The following PLET1 variants were observed in gnomAD, a reference collection of about 807,000 sequenced individuals.
The protein encoded by PLET1 is placenta expressed transcript 1.
Under a neutral mutation model 18.5 loss-of-function variants are expected in PLET1, and 20 were observed. That is an observed-to-expected ratio of 1.08 (90% CI 0.76 to 1.57). PLET1 has a LOEUF of 1.57. Ranked by LOEUF, PLET1 falls within the 40% of genes most tolerant of loss-of-function variation. The pLI is 0.00. For synonymous variants in PLET1, 93 were observed against 93.8 expected (o/e 0.99, Z 0.05); for missense variants, 256 against 246.4 (o/e 1.04, Z -0.26).
At chr11:112,250,520 G>C (rs763963066) in intron 3 of PLET1, among the ~76,000 whole-genome samples, 1 of 151,966 alleles carries the variant, frequency 6.6e-6, no homozygotes, top group East Asian at 1.9e-4. Flanking sequence ...AAAATGTCAG[G>C]GATAGTTTTC....
chr11:112,258,667 T>C (rs1330005059), intron 1 of PLET1, among the ~76,000 whole-genome samples: 1 of 152,228 alleles, frequency 6.6e-6, no homozygotes, highest in African/African-American at 2.4e-5. Context: ...TCGTGATCTC[T>C]TTTGCAGTGG....
rs1360620993 is a variant in PLET1, at chr11:112,248,957, C to G, written c.466G>C (p.Ala156Pro). The change falls in exon 4 of 4, where the codon GCT becomes CCT. Residue 156 changes from alanine (A) to proline (P), a missense_variant. Physicochemically the swap from Ala to Pro is conservative, Grantham distance 27. Coordinates refer to ENST00000338832, the MANE Select transcript of PLET1 (RefSeq NM_001145024.1). The part of the protein sequence containing the change: ...LREKLSTLAL[A>P]AKIPQSSAFK... ...GCTGAGCTCTGGGGAATCTTGGCAG[C>G]TAAGGCTAAGGTTGACACTGGAAAG... 10 of 1,550,274 alleles carry G rather than the reference C, an allele frequency of 6.5e-6. No individual in the cohort carries two copies. The highest frequency in any genetic ancestry group is 8.7e-6 in the Non-Finnish European group (10 of 1,146,954).
chr11:112,252,954 C>A (rs928481321), intron 2 of PLET1, among the ~76,000 whole-genome samples: 1 of 152,122 alleles, frequency 6.6e-6, no homozygotes, highest in Non-Finnish European at 1.5e-5. Context: ...TTATATGAGT[C>A]CCTTGTTCAT....
chr11:112,256,560 T>TTATCCTTCATTATCTGAGATCATGAC (rs1860226260), intron 1 of PLET1, among the ~76,000 whole-genome samples: 1 of 152,050 alleles, frequency 6.6e-6, no homozygotes, highest in Admixed American at 6.5e-5. Context: ...GGGATAATGA[T>TTATCCTTCATTATCTGAGATCATGAC]GTTATCCTTC....
At chr11:112,257,838 G>A (rs560627663) in intron 1 of PLET1, among the ~76,000 whole-genome samples, 2 of 152,224 alleles carry the variant, frequency 1.3e-5, no homozygotes, top group African/African-American at 4.8e-5. Context: ...AAGGAAAAGC[G>A]ATTGGCCTGG....
chr11:112,255,114 TATGTGTGTGAGGTGTGTGGGGTGC>T, intron 2 of PLET1, among the ~76,000 whole-genome samples: 1 of 129,180 alleles, frequency 7.7e-6, no homozygotes, highest in Non-Finnish European at 1.7e-5. Context: ...ATGTGTGGTG[TATGTGTGTGAGGTGTGTGGGGTGC>T]ATGTGTGTGT....
In PLET1 at chr11:112,255,378, AG is replaced by A; in HGVS notation, c.386+9del. 1.3e-6 allele frequency: 2 copies of A among 1,551,890 alleles called. No individual in the cohort carries two copies. Among genetic ancestry groups the A allele is most frequent in the Non-Finnish European group, 1.7e-6 (2 of 1,146,794 alleles). ...TTTAAAGCCCAAAGCAAAGCAAGCTAGGTTCTTACTGTATCTCCACTTCAGT... is the reference window on the plus strand; with the variant it reads ...TTTAAAGCCCAAAGCAAAGCAAGCTAGTTCTTACTGTATCTCCACTTCAGT... On this transcript the variant is annotated intron_variant, in intron 2 of 3. Transcript: ENST00000338832.
At chr11:112,259,425 A>G (rs1860262143) in intron 1 of PLET1, among the ~76,000 whole-genome samples, 1 of 152,226 alleles carries the variant, frequency 6.6e-6, no homozygotes, top group African/African-American at 2.4e-5. Context: ...TTATTATGAA[A>G]TGAATTAGAA....
At chr11:112,250,006 T>C (rs182232063) in intron 3 of PLET1, among the ~76,000 whole-genome samples, 91 of 146,486 alleles carry the variant, frequency 6.2e-4, no homozygotes, top group African/African-American at 2.1e-3. Context: ...AAGGGGAATG[T>C]CCAGGAGTCG....
Position 112,253,472 on chromosome 11 carries a change from G to A in PLET1, c.387-1063C>T, listed in dbSNP as rs955734203. The stretch of plus-strand genomic sequence containing the variant: ...AGCAGGGAGGCCAGCGTGTTATCGC[G>A]GGTGTGCAAGTTGGGAGAGGTCTGG... On this transcript the variant is annotated intron_variant, in intron 2 of 3. Coordinates refer to ENST00000338832, the MANE Select transcript of PLET1 (RefSeq NM_001145024.1). 5.3e-4 allele frequency among the ~76,000 whole-genome samples: 80 copies of A among 152,148 alleles called. 1 individual carries two copies. The highest frequency in any genetic ancestry group is 5.1e-3 in the Admixed American group (78 of 15,284).
At chr11:112,256,500 A>C (rs985227531) in intron 1 of PLET1, among the ~76,000 whole-genome samples, 1 of 152,174 alleles carries the variant, frequency 6.6e-6, no homozygotes, top group Admixed American at 6.5e-5. Flanking sequence ...CATTCACTCC[A>C]TAAATATTTC....
At position 112,248,519 on chromosome 11, in the gene PLET1, C is replaced by A; in HGVS notation, c.*280G>T. 2.3e-6 allele frequency: 1 copy of A among 431,152 alleles called. No individual in the cohort carries two copies. Among genetic ancestry groups the A allele is most frequent in the South Asian group, 7.4e-5 (1 of 13,562 alleles). 26.7% of individuals were successfully genotyped at this position (431,152 alleles called of 1,614,324 possible). On this transcript the variant is annotated 3_prime_UTR_variant, in exon 4 of 4. Transcript: ENST00000338832. Reference sequence around the variant, plus strand: ...CTGTGGAATTGGCTGCCAACCTGTTCAACCAATAGGGAGAACCTAGGTGAC... The same window carrying A: ...CTGTGGAATTGGCTGCCAACCTGTTAAACCAATAGGGAGAACCTAGGTGAC...
Position 112,248,863 on chromosome 11 carries a change from C to T in PLET1, c.560G>A (p.Ser187Asn). ...ATAAATGGCCTCTGTGATGGGGCTG[C>T]TGAAGACTTGGTTGGCCAAGCCTTC... is the stretch of plus-strand genomic sequence containing the variant. The part of the protein sequence containing the change: ...RLEGLANQVF[S>N]SPITEAIYIL... Residue 187 changes from serine to asparagine, a missense_variant, in exon 4 of 4, where the codon AGC becomes AAC. Transcript: ENST00000338832. The T allele has an allele frequency of 6.4e-7, 1 of 1,551,608 alleles. No individual in the cohort carries two copies. The highest frequency in any genetic ancestry group is 8.7e-7 in the Non-Finnish European group (1 of 1,146,980).
At chr11:112,254,778 C>G (rs56980197) in intron 2 of PLET1, among the ~76,000 whole-genome samples, 1 of 129,232 alleles carries the variant, frequency 7.7e-6, no homozygotes, top group Admixed American at 7.8e-5. Flanking sequence ...GTGTGGTACG[C>G]ATCGTGTGTG....
In PLET1 at chr11:112,256,050, G is replaced by A. The variant is rs752373694; in HGVS notation, c.185-461C>T. Among the ~76,000 whole-genome samples, 162 of 152,310 alleles carry A rather than the reference G, an allele frequency of 1.1e-3. 1 individual carries two copies. Among genetic ancestry groups the A allele is most frequent in the Admixed American group, 2.8e-3 (43 of 15,306 alleles). On this transcript the variant is annotated intron_variant, in intron 1 of 3. Transcript: ENST00000338832. ...GAGGCTGATGCACGTGGAAAGGTCA[G>A]GTGGGCCAAGTAAAAGCAAAACCCT...
At chr11:112,250,161 T>A (rs1485290423) in intron 3 of PLET1, among the ~76,000 whole-genome samples, 1 of 146,522 alleles carries the variant, frequency 6.8e-6, no homozygotes, top group African/African-American at 2.5e-5. Flanking sequence ...TTTCTTTTTC[T>A]TTTTTTTTTA....
Position 112,255,501 on chromosome 11 carries a change from C to T in PLET1, c.273G>A (p.Ala91=), listed in dbSNP as rs994903688. ...NSDSAGLWQR[A]DKNCYSNSTY... ...TGGAGTTGCTGTAGCAATTTTTATC[C>T]GCTCTTTGCCAGAGGCCCGCTGAGT... is the stretch of plus-strand genomic sequence containing the variant. The change falls in exon 2 of 4, where the codon GCG becomes GCA. Residue 91 remains alanine (A), a synonymous_variant. Transcript: ENST00000338832. 19 of 1,551,792 alleles carry T rather than the reference C, an allele frequency of 1.2e-5. No individual in the cohort carries two copies. Among genetic ancestry groups the T allele is most frequent in the African/African-American group, 4.1e-5 (3 of 73,002 alleles).
At chr11:112,254,205 GTGTGTGTGTGTGTGA>G in intron 2 of PLET1, among the ~76,000 whole-genome samples, 1 of 150,044 alleles carries the variant, frequency 6.7e-6, no homozygotes, top group African/African-American at 2.5e-5. Flanking sequence ...GTGTGTGTGT[GTGTGTGTGTGTGTGA>G]AAAGGGGGTA....
intron 3 of PLET1, among the ~76,000 whole-genome samples, chr11:112,249,341 A>G (rs1235264989): frequency 6.6e-6 from 1 of 152,124 alleles, no homozygotes; most frequent in African/African-American, 2.4e-5. Context: ...AATCAGTGCA[A>G]ATATGATCCA....
Sources: allele counts gnomAD v4.1 joint callset (sites outside exome capture counted in the v4.1 genomes callset), GRCh38; gene constraint gnomAD v4.1.1; transcripts MANE v1.5; gene names NCBI Gene and HGNC (gene_info 2026-07-23, HGNC 2026-07-21).